The following NPHS1 variants were observed in gnomAD, a reference collection of about 807,000 sequenced individuals.
NPHS1 encodes nephrin.
Under a neutral mutation model 139.7 loss-of-function variants are expected in NPHS1, and 107 were observed. That is an observed-to-expected ratio of 0.77 (90% CI 0.66 to 0.90). The LOEUF (loss-of-function observed/expected upper bound fraction) is 0.90, where lower values mean the gene tolerates loss of function less well. Ranked by LOEUF, NPHS1 falls within the 40% of genes least tolerant of loss-of-function variation. NPHS1 has a pLI of 0.00. For missense variants in NPHS1, 1,580 were observed against 1,654.2 expected, an observed-to-expected ratio of 0.96 and a Z score of 0.78; for synonymous variants, 707 against 706.6, an observed-to-expected ratio of 1.00 and a Z score of -0.01.
Position 35,837,938 on chromosome 19 carries a change from T to TAAA in NPHS1, c.3109+1296_3109+1298dup, listed in dbSNP as rs1200757977. On this transcript the variant is annotated intron_variant, in intron 22 of 28. Transcript: ENST00000378910. ...GAATATGCATTTGAGGTTATTCTCT[T>TAAA]AAAAAAAAAAAAAAAAAAAAAACGA... is the stretch of plus-strand genomic sequence containing the variant. Among the ~76,000 whole-genome samples the TAAA allele has an allele frequency of 5.9e-3, 591 of 99,390 alleles. 14 individuals carry two copies. Among genetic ancestry groups the TAAA allele is most frequent in the African/African-American group, 0.022 (540 of 24,666 alleles). 65.2% of individuals were successfully genotyped at this position (99,390 alleles called of 152,430 possible). A position where few individuals can be genotyped will look rare whatever the true frequency, so the allele number is the denominator to read the frequency against.
Position 35,826,163 on chromosome 19 carries a change from TCTCGAA to T in NPHS1, c.*345_*350del, listed in dbSNP as rs1972798257. On this transcript the variant is annotated 3_prime_UTR_variant, in exon 29 of 29. Transcript: ENST00000378910. ...AGTTTTACCATGTTGGCCAGGCTGG[TCTCGAA>T]CTCCTGACCTCAGGTGATCCACCCG... 1 of 261,642 alleles carries T rather than the reference TCTCGAA, an allele frequency of 3.8e-6. No individual in the cohort carries two copies. The highest frequency in any genetic ancestry group is 7.7e-6 in the Non-Finnish European group (1 of 129,984). 16.2% of individuals were successfully genotyped at this position (261,642 alleles called of 1,614,324 possible).
At chr19:35,837,948 A>AAAAC (rs941040444) in intron 22 of NPHS1, among the ~76,000 whole-genome samples, 6 of 151,212 alleles carry the variant, frequency 4.0e-5, no homozygotes, top group Admixed American at 1.3e-4. Context: ...TAAAAAAAAA[A>AAAAC]AAAAAAAAAA....
rs768317046 is a variant in NPHS1, at chr19:35,841,758, G to T, written c.2772C>A (p.Asn924Lys). The T allele has an allele frequency of 3.1e-6, 5 of 1,614,048 alleles. No homozygotes were observed. The highest frequency in any genetic ancestry group is 1.3e-5 in the African/African-American group (1 of 74,924). The change falls in exon 20 of 29, where the codon AAC becomes AAA. Residue 924 changes from asparagine to lysine, a missense_variant. By Grantham distance (94) the Asn-to-Lys change is moderately conservative. Coordinates refer to ENST00000378910, the MANE Select transcript of NPHS1 (RefSeq NM_004646.4). ...DYALFTCTATNALGSDQTNIQ... is the reference protein window; with the variant it reads ...DYALFTCTATKALGSDQTNIQ... ...TGTTGGTTTGGTCCGAGCCAAGGGC[G>T]TTGGTGGCTGTACATGTGAAGAGGG...
chr19:35,835,435 G>A (rs1027641474), intron 23 of NPHS1, among the ~76,000 whole-genome samples: 1 of 151,134 alleles, frequency 6.6e-6, no homozygotes, highest in Non-Finnish European at 1.5e-5. Context: ...GAGTAGTTGG[G>A]ACTACAGGCA....
rs757847147 is a variant in NPHS1 at position 35,851,025 on chromosome 19, C to T, written c.462G>A (p.Gln154=). 1 of 1,614,230 alleles carries T rather than the reference C, an allele frequency of 6.2e-7. No homozygotes were observed. Among genetic ancestry groups the T allele is most frequent in the Non-Finnish European group, 8.5e-7 (1 of 1,180,044 alleles). The change falls in exon 4 of 29, where the codon CAG becomes CAA. Residue 154 remains glutamine, a synonymous_variant. Transcript: ENST00000378910. ...AGTMVTWVAG[Q]EYVVNCVSGD... ...CAGACACACAGTTGACCACGTACTCCTGCCCAGCTACCCAGGTGACCATGG... is the reference window on the plus strand; with the variant it reads ...CAGACACACAGTTGACCACGTACTCTTGCCCAGCTACCCAGGTGACCATGG...
At chr19:35,838,017 C>T (rs575752887) in intron 22 of NPHS1, among the ~76,000 whole-genome samples, 4 of 149,854 alleles carry the variant, frequency 2.7e-5, no homozygotes, top group South Asian at 2.1e-4. Flanking sequence ...TTTGGGAGAC[C>T]GAAGCTGGTG....
intron 21 of NPHS1, 23 bp downstream of exon 21, chr19:35,839,473 C>T (rs752427602): frequency 6.2e-7 from 1 of 1,613,572 alleles, no homozygotes; most frequent in Non-Finnish European, 8.5e-7. Context: ...ATTCCCTTCC[C>T]TCCTGCCTCG....
In NPHS1 at chr19:35,841,372, TCAACAA is replaced by T. The variant is rs150955536; in HGVS notation, c.2815+337_2815+342del. Among the ~76,000 whole-genome samples the T allele has an allele frequency of 1.1e-3, 167 of 151,402 alleles. 1 individual carries two copies. Among genetic ancestry groups the T allele is most frequent in the African/African-American group, 1.6e-3 (67 of 41,172 alleles). On this transcript the variant is annotated intron_variant, in intron 20 of 28. Transcript: ENST00000378910. ...TGGGTGACAAGAGTGAATCTCCATT[TCAACAA>T]CAACAACAACAACAACAACAACAAA...
intron 11 of NPHS1, 183 bp downstream of exon 11, chr19:35,847,858 G>C (rs1248582372): frequency 1.7e-6 from 1 of 604,040 alleles, no homozygotes; most frequent in Admixed American, 3.3e-5. Context: ...AATTTTCCTA[G>C]GATTCCATTT....
chr19:35,850,541 C>T, intron 4 of NPHS1, 96 bp from the exon 5 acceptor site: 1 of 1,029,348 alleles, frequency 9.7e-7, no homozygotes, highest in Non-Finnish European at 1.5e-6. Flanking sequence ...GTGCGATGCC[C>T]CCTCCCTCCT....
At chr19:35,839,642 T>C in intron 20 of NPHS1, 35 bp from the exon 21 acceptor site, 5 of 1,514,332 alleles carry the variant, frequency 3.3e-6, no homozygotes, top group Non-Finnish European at 4.6e-6. Context: ...AGTCAGAGGA[T>C]ACAAAAGAAT....
chr19:35,831,807 G>A (rs148290331), intron 23 of NPHS1, 45 bp from the exon 24 acceptor site: 5 of 1,545,854 alleles, frequency 3.2e-6, no homozygotes, highest in Non-Finnish European at 4.4e-6. Context: ...ACAACAGGCT[G>A]TAGGCCAGGG....
intron 17 of NPHS1, 30 bp downstream of exon 17, chr19:35,843,442 A>T: frequency 6.2e-7 from 1 of 1,613,392 alleles, no homozygotes; most frequent in Non-Finnish European, 8.5e-7. Context: ...CCTTGACCCC[A>T]CCTCTATTCA....
At chr19:35,844,536 G>A (rs1009523905) in intron 14 of NPHS1, 77 bp from the exon 15 acceptor site, 1 of 1,478,618 alleles carries the variant, frequency 6.8e-7, no homozygotes, top group Non-Finnish European at 9.1e-7. Context: ...TCAGGCACAG[G>A]TTCAAGGGTT....
At chr19:35,839,865 C>A (rs1370970602) in intron 20 of NPHS1, among the ~76,000 whole-genome samples, 3 of 151,830 alleles carry the variant, frequency 2.0e-5, no homozygotes, top group Admixed American at 6.6e-5. Flanking sequence ...CATAGCAAGA[C>A]CCTGTCTCAA....
Position 35,849,643 on chromosome 19 carries a change from G to A in NPHS1, c.619C>T (p.Arg207Trp), listed in dbSNP as rs778552202. The stretch of plus-strand genomic sequence containing the variant: ...AGCAACTGCCTATTATCTGAGCTCC[G>A]GGGTGTCACCCTGGGATGAGAAGTC... The part of the protein sequence containing the change: ...TVEATARVTP[R>W]SSDNRQLLVC... Residue 207 changes from arginine to tryptophan, a missense_variant, in exon 6 of 29, where the codon CGG becomes TGG. Physicochemically the swap from Arg to Trp is moderately radical, Grantham distance 101 (BLOSUM62 -3). Coordinates refer to ENST00000378910, the MANE Select transcript of NPHS1 (RefSeq NM_004646.4). The A allele has an allele frequency of 1.1e-5, 18 of 1,611,746 alleles. No individual in the cohort carries two copies. In the Admixed American group the frequency reaches 1.5e-4, roughly 13 times the overall value.
In NPHS1 at chr19:35,849,605, C is replaced by T. The variant is rs369293172; in HGVS notation, c.657G>A (p.Ala219=). 5.0e-5 allele frequency: 81 copies of T among 1,614,040 alleles called. No individual in the cohort carries two copies. The highest frequency in any genetic ancestry group is 1.6e-4 in the Middle Eastern group (1 of 6,062). The change falls in exon 6 of 29, where the codon GCG becomes GCA. Residue 219 remains alanine (A), a synonymous_variant. Transcript: ENST00000378910. ...TGGGGGCCTCCAGTGCTGGGCTAGA[C>T]GCCTCACAGACCAGCAACTGCCTAT... ...SDNRQLLVCE[A]SSPALEAPIK...
chr19:35,848,518 G>T, intron 9 of NPHS1, 119 bp downstream of exon 9: 1 of 1,579,856 alleles, frequency 6.3e-7, no homozygotes. Flanking sequence ...CCCCTCTGTT[G>T]GACCCATGGT....
chr19:35,835,621 A>T (rs555947483), intron 23 of NPHS1, 84 bp downstream of exon 23: 1 of 1,227,570 alleles, frequency 8.1e-7, no homozygotes. Flanking sequence ...AGCAGCTGTG[A>T]CTACAAGCAG....
Sources: gnomAD v4.1 joint callset for allele counts (sites outside exome capture counted in the v4.1 genomes callset) on GRCh38, gnomAD v4.1.1 for gene constraint, MANE v1.5 for transcripts, NCBI Gene and HGNC (gene_info 2026-07-23, HGNC 2026-07-21) for gene names.